The following PTGIS variants were observed in gnomAD, a reference collection of about 807,000 sequenced individuals.
PTGIS encodes prostaglandin I2 synthase, also known as prostacyclin synthase.
Under a neutral mutation model 50.3 loss-of-function variants are expected in PTGIS, and 45 were observed. That is an observed-to-expected ratio of 0.90 (90% CI 0.70 to 1.15). PTGIS has a LOEUF of 1.15. Ranked by LOEUF, PTGIS falls within the 50% of genes most tolerant of loss-of-function variation. The pLI is 0.00. For missense variants in PTGIS, 668 were observed against 661.3 expected (o/e 1.01, Z -0.11); for synonymous variants, 260 against 267.7 (o/e 0.97, Z 0.28).
At chr20:49,521,504 C>T (rs1282277443) in intron 6 of PTGIS, among the ~76,000 whole-genome samples, 1 of 152,182 alleles carries the variant, frequency 6.6e-6, no homozygotes, top group Non-Finnish European at 1.5e-5. Flanking sequence ...CACTCAAACC[C>T]CTCAGCCAGC....
At chr20:49,520,845 AAT>A (rs551269769) in intron 6 of PTGIS, among the ~76,000 whole-genome samples, 2 of 151,840 alleles carry the variant, frequency 1.3e-5, no homozygotes, top group Non-Finnish European at 2.9e-5. Context: ...CTACAAAAAA[AAT>A]AAGGTAGTTT....
chr20:49,543,278 C>T (rs1039833356), intron 4 of PTGIS, among the ~76,000 whole-genome samples: 1 of 152,048 alleles, frequency 6.6e-6, no homozygotes, highest in Admixed American at 6.6e-5. Context: ...CCCTGGGCCA[C>T]CACCATTCTC....
Position 49,544,379 on chromosome 20 carries a change from C to T in PTGIS, c.447G>A (p.Leu149=). 2 of 1,614,116 alleles carry T rather than the reference C, an allele frequency of 1.2e-6. No individual in the cohort carries two copies. The highest frequency in any genetic ancestry group is 1.7e-6 in the Non-Finnish European group (2 of 1,180,028). The change falls in exon 4 of 10, where the codon TTG becomes TTA. Residue 149 remains leucine (L), a synonymous_variant. Transcript: ENST00000244043. The part of the protein sequence containing the change: ...AMYTNLHAVL[L]GDATEAGSGW... ...CACTGCCTGCTTCTGTAGCATCGCCCAACAGCACTGCATGGAGGTTGGTAT... is the reference window on the plus strand; with the variant it reads ...CACTGCCTGCTTCTGTAGCATCGCCTAACAGCACTGCATGGAGGTTGGTAT...
intron 4 of PTGIS, 25 bp downstream of exon 4, chr20:49,544,280 G>A (rs1982300826): frequency 6.2e-7 from 1 of 1,613,412 alleles, no homozygotes; most frequent in South Asian, 1.1e-5. Context: ...GCCCCAGCAG[G>A]AGGGTGGGGG....
intron 3 of PTGIS, among the ~76,000 whole-genome samples, chr20:49,545,567 G>A (rs1456377540): frequency 6.6e-6 from 1 of 152,180 alleles, no homozygotes; most frequent in Non-Finnish European, 1.5e-5. Context: ...GGCAGAAGCT[G>A]GAAGCTCCCC....
Position 49,559,641 on chromosome 20 carries a change from A to G in PTGIS, c.74+8402T>C, listed in dbSNP as rs141388499. On this transcript the variant is annotated intron_variant, in intron 1 of 9. Transcript: ENST00000244043. ...ACAAAAAGGAATGAAGTACTGATTCATGCTACGATGTGGGTGAACCTTAAA... is the reference window on the plus strand; with the variant it reads ...ACAAAAAGGAATGAAGTACTGATTCGTGCTACGATGTGGGTGAACCTTAAA... Among the ~76,000 whole-genome samples, 161 of 152,344 alleles carry G rather than the reference A, an allele frequency of 1.1e-3. 1 individual carries two copies. The highest frequency in any genetic ancestry group is 2.5e-3 in the African/African-American group (102 of 41,582).
At chr20:49,516,863 G>A (rs1981493391) in intron 6 of PTGIS, among the ~76,000 whole-genome samples, 1 of 152,240 alleles carries the variant, frequency 6.6e-6, no homozygotes, top group Non-Finnish European at 1.5e-5. Flanking sequence ...TGGATTAGAG[G>A]TGGAGCTCCA....
In PTGIS at chr20:49,506,068, C is replaced by T. The variant is rs904754116; in HGVS notation, c.*1852G>A. The T allele has an allele frequency of 6.5e-5, 10 of 152,740 alleles. No homozygotes were observed. Among genetic ancestry groups the T allele is most frequent in the African/African-American group, 2.2e-4 (9 of 41,466 alleles). The allele number at this position is 152,740 out of a possible 1,614,324, so 9.5% of individuals were successfully genotyped here. A position where few individuals can be genotyped will look rare whatever the true frequency, so the allele number is the denominator to read the frequency against. On this transcript the variant is annotated 3_prime_UTR_variant, in exon 10 of 10. Coordinates refer to ENST00000244043, the MANE Select transcript of PTGIS (RefSeq NM_000961.4). ...AGAAGAATTGTCCCATCACCAGTCC[C>T]CTTGAGCCCAAAGAACAGGAGTTGC...
chr20:49,564,417 A>C (rs188295135), intron 1 of PTGIS, among the ~76,000 whole-genome samples: 20 of 152,076 alleles, frequency 1.3e-4, no homozygotes, highest in African/African-American at 4.8e-4. Flanking sequence ...ACGCCTGGCT[A>C]ATTTTCTGTA....
At chr20:49,537,750 G>A (rs1982117284) in intron 5 of PTGIS, among the ~76,000 whole-genome samples, 1 of 152,092 alleles carries the variant, frequency 6.6e-6, no homozygotes, top group South Asian at 2.1e-4. Flanking sequence ...GCAAGACTCT[G>A]TCTCAAAAAA....
chr20:49,542,472 C>G (rs1982255482), intron 4 of PTGIS, among the ~76,000 whole-genome samples: 1 of 152,228 alleles, frequency 6.6e-6, no homozygotes. Flanking sequence ...TCCCCCTGAG[C>G]TGATTCCCCT....
intron 6 of PTGIS, among the ~76,000 whole-genome samples, chr20:49,516,105 T>C (rs1322348781): frequency 2.7e-5 from 4 of 148,572 alleles, no homozygotes; most frequent in African/African-American, 1.0e-4. Context: ...GATCTCAAAC[T>C]CCTGGCCTCG....
chr20:49,522,856 G>A (rs1305541172), intron 6 of PTGIS, among the ~76,000 whole-genome samples: 2 of 151,854 alleles, frequency 1.3e-5, no homozygotes, highest in Non-Finnish European at 2.9e-5. Flanking sequence ...ACTCCCATCT[G>A]TACTAAAAAT....
chr20:49,568,117 C>CGCGGGTCTG lies in PTGIS; in HGVS notation c.-2_-1insCAGACCCGC. On this transcript the variant is annotated 5_prime_UTR_variant, in exon 1 of 10. Coordinates refer to ENST00000244043, the MANE Select transcript of PTGIS (RefSeq NM_000961.4). ...GGCCGAGGAGCGCGGCCCAAGCCAT[C>CGCGGGTCTG]GCGGGGCTGGCGGGGCTGGCGGGGC... The CGCGGGTCTG allele has an allele frequency of 1.3e-6, 1 of 784,880 alleles. No individual in the cohort carries two copies. The highest frequency in any genetic ancestry group is 1.8e-6 in the Non-Finnish European group (1 of 568,996). The allele number at this position is 784,880 out of a possible 1,614,324, so 48.6% of individuals were successfully genotyped here.
At chr20:49,513,624 C>A (rs953700062) in intron 7 of PTGIS, among the ~76,000 whole-genome samples, 2 of 152,116 alleles carry the variant, frequency 1.3e-5, no homozygotes, top group African/African-American at 4.8e-5. Flanking sequence ...AGGGTCCACC[C>A]CTCTCTCATT....
chr20:49,515,702 T>C (rs1981455988), intron 6 of PTGIS, among the ~76,000 whole-genome samples: 1 of 152,140 alleles, frequency 6.6e-6, no homozygotes, highest in Admixed American at 6.5e-5. Context: ...TCAATGAAGA[T>C]CCATCCATTG....
intron 5 of PTGIS, among the ~76,000 whole-genome samples, chr20:49,533,767 G>A (rs1342087530): frequency 6.6e-6 from 1 of 152,014 alleles, no homozygotes; most frequent in Non-Finnish European, 1.5e-5. Flanking sequence ...AACCAGCCTG[G>A]CCAATGTGAT....
At position 49,520,427 on chromosome 20, in the gene PTGIS, G is replaced by A. The variant is rs185557238; in HGVS notation, c.855+3631C>T. ...CGGCTCACTGCAACCTCCACCTCCC[G>A]GGTTCAAGTGATTCTCATGTCTCAG... On this transcript the variant is annotated intron_variant, in intron 6 of 9. Transcript: ENST00000244043. 8.1e-4 allele frequency among the ~76,000 whole-genome samples: 122 copies of A among 151,212 alleles called. 1 individual carries two copies. The highest frequency in any genetic ancestry group is 2.7e-3 in the African/African-American group (113 of 41,152).
At chr20:49,532,937 A>T (rs565742438) in intron 5 of PTGIS, among the ~76,000 whole-genome samples, 1 of 152,286 alleles carries the variant, frequency 6.6e-6, no homozygotes, top group South Asian at 2.1e-4. Context: ...CATTCTCTCC[A>T]TTATTACGAG....
Sources: allele counts gnomAD v4.1 joint callset (sites outside exome capture counted in the v4.1 genomes callset), GRCh38; gene constraint gnomAD v4.1.1; transcripts MANE v1.5; gene names NCBI Gene and HGNC (gene_info 2026-07-23, HGNC 2026-07-21).